The following NALF1 variants were observed in gnomAD, a reference collection of about 807,000 sequenced individuals.
The protein encoded by NALF1 is NALCN channel auxiliary factor 1, also known as family with sequence similarity 155 member A.
In NALF1, 3 loss-of-function variants were observed where a neutral mutation model predicts 48.4. The observed-to-expected ratio is 0.06, with a 90% confidence interval of 0.03 to 0.16. The LOEUF (loss-of-function observed/expected upper bound fraction) is 0.16, where lower values mean the gene tolerates loss of function less well. Among genes scored for constraint, NALF1 ranks in the 10% least tolerant of loss-of-function variants. The pLI is 1.00. For missense variants in NALF1, 526 were observed against 571.5 expected (o/e 0.92, Z 0.81); for synonymous variants, 262 against 245.7 (o/e 1.07, Z -0.62).
At chr13:107,784,352 C>G (rs1212356397) in intron 1 of NALF1, among the ~76,000 whole-genome samples, 2 of 152,176 alleles carry the variant, frequency 1.3e-5, no homozygotes, top group Non-Finnish European at 2.9e-5. Flanking sequence ...AAGGCATCCA[C>G]AAATACCAGC....
intron 1 of NALF1, among the ~76,000 whole-genome samples, chr13:107,434,623 C>A (rs1010136602): frequency 6.6e-6 from 1 of 152,160 alleles, no homozygotes; most frequent in Non-Finnish European, 1.5e-5. Context: ...TAGAGCTATG[C>A]GAAGAGGCAG....
At chr13:107,677,077 C>A (rs980544075) in intron 1 of NALF1, among the ~76,000 whole-genome samples, 1 of 152,124 alleles carries the variant, frequency 6.6e-6, no homozygotes, top group South Asian at 2.1e-4. Flanking sequence ...GACAGAGTCT[C>A]GCTCCTTCGC....
intron 1 of NALF1, among the ~76,000 whole-genome samples, chr13:107,801,506 G>A (rs1229609404): frequency 6.6e-6 from 1 of 152,192 alleles, no homozygotes; most frequent in African/African-American, 2.4e-5. Flanking sequence ...ACGAAATTCA[G>A]TAAAAGGCAA....
intron 1 of NALF1, among the ~76,000 whole-genome samples, chr13:107,329,776 T>C (rs1437738833): frequency 1.3e-5 from 2 of 151,854 alleles, no homozygotes; most frequent in African/African-American, 4.8e-5. Context: ...GTCCTTGCAA[T>C]AGTTTGCTGA....
At chr13:107,245,902 C>A (rs1880573182) in intron 1 of NALF1, among the ~76,000 whole-genome samples, 1 of 152,102 alleles carries the variant, frequency 6.6e-6, no homozygotes, top group Non-Finnish European at 1.5e-5. Context: ...ATGGAGTGTG[C>A]ATGGTTCCTC....
intron 1 of NALF1, among the ~76,000 whole-genome samples, chr13:107,241,286 T>C (rs956499502): frequency 2.0e-5 from 3 of 152,060 alleles, no homozygotes; most frequent in African/African-American, 7.2e-5. Flanking sequence ...ATCTTTCTCA[T>C]ATCAGATATG....
chr13:107,501,675 G>C (rs1247214845), intron 1 of NALF1, among the ~76,000 whole-genome samples: 6 of 152,156 alleles, frequency 3.9e-5, no homozygotes, highest in Non-Finnish European at 7.3e-5. Flanking sequence ...TATGGTTTAA[G>C]AAGGCTAAAT....
At chr13:107,818,871 C>CAAAAAAAAAAAAAAAAAAAAAAAAAAA (rs774372636) in intron 1 of NALF1, among the ~76,000 whole-genome samples, 1 of 73,816 alleles carries the variant, frequency 1.4e-5, no homozygotes, top group African/African-American at 4.2e-5. Flanking sequence ...GACTCCGTCT[C>CAAAAAAAAAAAAAAAAAAAAAAAAAAA]AAAAAAAAAA....
chr13:107,368,779 T>C (rs1883197264), intron 1 of NALF1, among the ~76,000 whole-genome samples: 1 of 152,212 alleles, frequency 6.6e-6, no homozygotes, highest in African/African-American at 2.4e-5. Flanking sequence ...CTTTTCCAAA[T>C]AGGCAACGCT....
intron 1 of NALF1, among the ~76,000 whole-genome samples, chr13:107,851,448 A>G (rs1880311638): frequency 6.6e-6 from 1 of 152,158 alleles, no homozygotes; most frequent in South Asian, 2.1e-4. Flanking sequence ...ATAATTAGCC[A>G]TAAAGAAACA....
At chr13:107,423,075 G>A (rs770230783) in intron 1 of NALF1, among the ~76,000 whole-genome samples, 7 of 152,118 alleles carry the variant, frequency 4.6e-5, no homozygotes, top group Non-Finnish European at 4.4e-5. Context: ...CCCTACATTC[G>A]TGTTCATTTG....
In NALF1 at chr13:107,300,047, A is replaced by C. The variant is rs141970132; in HGVS notation, c.916-89292T>G. Among the ~76,000 whole-genome samples the C allele has an allele frequency of 2.1e-3, 315 of 152,306 alleles. 2 individuals are homozygous for C. Among genetic ancestry groups the C allele is most frequent in the Middle Eastern group, 0.014 (4 of 294 alleles). On this transcript the variant is annotated intron_variant, in intron 1 of 2. Coordinates refer to ENST00000375915, the MANE Select transcript of NALF1 (RefSeq NM_001080396.3). ...TAGTCCACAGAAGATACTCCCTGGG[A>C]ATTCCCCTAAGATTTGCAGGGGGCT...
rs571907091 is a variant in NALF1, at chr13:107,409,854, C to A, written c.916-199099G>T. On this transcript the variant is annotated intron_variant, in intron 1 of 2. Transcript: ENST00000375915. ...TACAGCTAGACTAGGGAATTTCTAC[C>A]CTTGCCCTCATCTCTTGAGTACTAC... 5.3e-5 allele frequency among the ~76,000 whole-genome samples: 8 copies of A among 152,240 alleles called. No homozygotes were observed. The South Asian group carries it at 6.2e-4, about 12-fold the overall frequency.
chr13:107,375,579 GA>G lies in NALF1; in HGVS notation c.916-164825del, dbSNP rs898832561. ...ATATATTGCATATTTTCCATCAATT[GA>G]AAAAAAAATGGAATAATAGGTATAT... is the stretch of plus-strand genomic sequence containing the variant. On this transcript the variant is annotated intron_variant, in intron 1 of 2. Coordinates refer to ENST00000375915, the MANE Select transcript of NALF1 (RefSeq NM_001080396.3). Among the ~76,000 whole-genome samples, 102 of 147,898 alleles carry G rather than the reference GA, an allele frequency of 6.9e-4. 1 individual carries two copies. Among genetic ancestry groups the G allele is most frequent in the East Asian group, 3.6e-3 (18 of 5,068 alleles).
At chr13:107,516,887 G>T (rs1035070746) in intron 1 of NALF1, among the ~76,000 whole-genome samples, 2 of 152,108 alleles carry the variant, frequency 1.3e-5, no homozygotes, top group African/African-American at 2.4e-5. Context: ...TTTAATAAAC[G>T]CCAGACTTCA....
intron 1 of NALF1, among the ~76,000 whole-genome samples, chr13:107,312,621 A>C (rs966600383): frequency 1.4e-4 from 21 of 152,312 alleles, no homozygotes; most frequent in African/African-American, 3.8e-4. Flanking sequence ...TGTTTTCTGC[A>C]CTTAGAAATT....
At chr13:107,611,798 C>G (rs9559099) in intron 1 of NALF1, among the ~76,000 whole-genome samples, 5,953 of 151,172 alleles carry the variant, frequency 0.039, 319 homozygotes, top group East Asian at 0.26. Context: ...TGGCATACAC[C>G]TATAAGCTCA....
intron 1 of NALF1, among the ~76,000 whole-genome samples, chr13:107,577,375 C>T (rs1317270394): frequency 6.6e-6 from 1 of 152,130 alleles, no homozygotes; most frequent in African/African-American, 2.4e-5. Flanking sequence ...CAGGTGGCCA[C>T]ACCTAGGAGC....
At chr13:107,752,017 A>T (rs533349280) in intron 1 of NALF1, among the ~76,000 whole-genome samples, 1 of 152,188 alleles carries the variant, frequency 6.6e-6, no homozygotes, top group African/African-American at 2.4e-5. Flanking sequence ...TATTTATATT[A>T]ATGTTTTAGA....
Sources: allele counts gnomAD v4.1 joint callset (sites outside exome capture counted in the v4.1 genomes callset), GRCh38; gene constraint gnomAD v4.1.1; transcripts MANE v1.5; gene names NCBI Gene and HGNC (gene_info 2026-07-23, HGNC 2026-07-21).